Variants in CLYBL observed in about 807,000 individuals in gnomAD.
CLYBL encodes the protein citramalyl-CoA lyase, mitochondrial.
CLYBL carries 31 observed loss-of-function variants against 38.9 expected under a neutral mutation model. The ratio of observed to expected loss-of-function variants is 0.80; its 90% CI spans 0.60 to 1.08. CLYBL has a LOEUF of 1.08. CLYBL is among the 50% of genes least tolerant of loss of function. The pLI, the probability that CLYBL is intolerant of heterozygous loss-of-function variation, is 0.00. For synonymous variants in CLYBL, 171 were observed against 158.6 expected (o/e 1.08, Z -0.59); for missense variants, 434 against 411.6 (o/e 1.05, Z -0.47).
intron 1 of CLYBL, among the ~76,000 whole-genome samples, chr13:99,669,356 G>A (rs181293057): frequency 1.3e-5 from 2 of 152,238 alleles, no homozygotes; most frequent in East Asian, 3.9e-4. Flanking sequence ...GACACGTGAA[G>A]AACATGTAGC....
chr13:99,810,993 T>G (rs1436296983), intron 2 of CLYBL, among the ~76,000 whole-genome samples: 1 of 152,112 alleles, frequency 6.6e-6, no homozygotes, highest in East Asian at 1.9e-4. Flanking sequence ...ATAAAAAATT[T>G]TAGGAGAGCC....
chr13:99,904,916 G>A (rs1017696935), intron 8 of CLYBL, among the ~76,000 whole-genome samples: 42 of 152,302 alleles, frequency 2.8e-4, no homozygotes, highest in African/African-American at 1.0e-3. Flanking sequence ...TCAACTGGGA[G>A]CTCAGCGGGC....
chr13:99,794,898 C>T (rs1057351280), intron 2 of CLYBL, among the ~76,000 whole-genome samples: 2 of 152,042 alleles, frequency 1.3e-5, no homozygotes, highest in African/African-American at 2.4e-5. Flanking sequence ...AGGCTAAATA[C>T]TATGTTTTTA....
chr13:99,885,134 G>A (rs768008422), intron 7 of CLYBL: 1 of 523,322 alleles, frequency 1.9e-6, no homozygotes, highest in Non-Finnish European at 3.9e-6. Flanking sequence ...CTCCCCACAG[G>A]GGCCTCACAG....
At chr13:99,667,554 G>A (rs2047501983) in intron 1 of CLYBL, among the ~76,000 whole-genome samples, 2 of 151,096 alleles carry the variant, frequency 1.3e-5, no homozygotes, top group African/African-American at 4.9e-5. Flanking sequence ...GAGAGGGAAT[G>A]TGTCAACTGG....
downstream of CLYBL, among the ~76,000 whole-genome samples, chr13:99,897,774 C>G (rs1157949098): frequency 1.3e-5 from 2 of 151,986 alleles, no homozygotes; most frequent in Non-Finnish European, 2.9e-5. Flanking sequence ...GGTGAAACCC[C>G]GTCTCTACTA....
At chr13:99,885,882 C>T (rs1260243351) in intron 7 of CLYBL, among the ~76,000 whole-genome samples, 2 of 152,132 alleles carry the variant, frequency 1.3e-5, no homozygotes, top group Non-Finnish European at 2.9e-5. Flanking sequence ...TAAGGAGGAG[C>T]CGTATCCCAG....
rs140279720 is a variant in CLYBL at position 99,773,580 on chromosome 13, C to T, written c.249+570C>T. The stretch of plus-strand genomic sequence containing the variant: ...TGATCTGAGGTGGAACAGTTTCATC[C>T]GAAACCATTGCGCCGCCCCACCTCC... On this transcript the variant is annotated intron_variant, in intron 2 of 8. Transcript: ENST00000339105. Among the ~76,000 whole-genome samples the T allele has an allele frequency of 4.1e-4, 62 of 152,232 alleles. 1 individual carries two copies. Among genetic ancestry groups the T allele is most frequent in the African/African-American group, 1.4e-3 (57 of 41,540 alleles).
intron 1 of CLYBL, among the ~76,000 whole-genome samples, chr13:99,730,599 A>G (rs533548902): frequency 6.5e-4 from 99 of 152,274 alleles, no homozygotes; most frequent in Admixed American, 2.2e-3. Context: ...GCCTCTGAGC[A>G]GAGGACTCCA....
chr13:99,813,688 G>A (rs528514999), intron 2 of CLYBL, among the ~76,000 whole-genome samples: 1 of 152,304 alleles, frequency 6.6e-6, no homozygotes, highest in African/African-American at 2.4e-5. Context: ...GTCACACAGA[G>A]TGGATATGAG....
intron 2 of CLYBL, among the ~76,000 whole-genome samples, chr13:99,784,587 T>C (rs2049743523): frequency 6.6e-6 from 1 of 151,394 alleles, no homozygotes; most frequent in Non-Finnish European, 1.5e-5. Context: ...CCCGAGTAGC[T>C]AGGATTACAG....
intron 2 of CLYBL, among the ~76,000 whole-genome samples, chr13:99,854,781 C>A (rs1333626491): frequency 6.6e-6 from 1 of 152,266 alleles, no homozygotes; most frequent in Non-Finnish European, 1.5e-5. Flanking sequence ...CGCTTTCTTA[C>A]GTCACCAGAG....
intron 1 of CLYBL, among the ~76,000 whole-genome samples, chr13:99,626,808 A>G (rs75269211): frequency 0.013 from 2,047 of 152,148 alleles, 47 homozygotes; most frequent in African/African-American, 0.046. Flanking sequence ...AAGTTCCAGT[A>G]ATCTACCCGA....
intron 2 of CLYBL, among the ~76,000 whole-genome samples, chr13:99,793,859 TCTTTGAGCTC>T (rs1402282408): frequency 2.0e-5 from 3 of 149,616 alleles, no homozygotes; most frequent in Non-Finnish European, 3.0e-5. Flanking sequence ...ATAAAACAGA[TCTTTGAGCTC>T]CAGCTCAAAA....
Position 99,858,981 on chromosome 13 carries a change from T to C in CLYBL, c.370T>C (p.Leu124=), listed in dbSNP as rs563299901. 1.5e-5 allele frequency: 25 copies of C among 1,614,094 alleles called. No individual in the cohort carries two copies. In the Middle Eastern group the frequency reaches 5.0e-4, roughly 32 times the overall value. Reference sequence around the variant, plus strand: ...GGCGGAAGAAGACCTAGAGACCCTTTTGCAATCCCGGGTCCTTCCTTCCAG... The same window carrying C: ...GGCGGAAGAAGACCTAGAGACCCTTCTGCAATCCCGGGTCCTTCCTTCCAG... ...GLAEEDLETL[L]QSRVLPSSLM... The change falls in exon 3 of 9, where the codon TTG becomes CTG. Residue 124 remains leucine, a synonymous_variant. Coordinates refer to ENST00000339105, the MANE Select transcript of CLYBL (RefSeq NM_206808.5).
chr13:99,726,897 G>A (rs1463511422), intron 1 of CLYBL, among the ~76,000 whole-genome samples: 1 of 152,132 alleles, frequency 6.6e-6, no homozygotes, highest in African/African-American at 2.4e-5. Flanking sequence ...AGTGACTCAC[G>A]CCTGTAATCC....
At chr13:99,772,501 A>C (rs866361374) in intron 1 of CLYBL, among the ~76,000 whole-genome samples, 1 of 152,236 alleles carries the variant, frequency 6.6e-6, no homozygotes. Context: ...GTTCAAGACC[A>C]GCCTGGGCAA....
At position 99,777,772 on chromosome 13, in the gene CLYBL, C is replaced by T. The variant is rs142312240; in HGVS notation, c.249+4762C>T. Among the ~76,000 whole-genome samples the T allele has an allele frequency of 6.0e-3, 913 of 152,258 alleles. 1 individual carries two copies. The highest frequency in any genetic ancestry group is 0.034 in the Middle Eastern group (10 of 294). On this transcript the variant is annotated intron_variant, in intron 2 of 8. Coordinates refer to ENST00000339105, the MANE Select transcript of CLYBL (RefSeq NM_206808.5). ...CCTCCCAAAGTGCTGGGATTACAGG[C>T]GTGAGCCTGAGAATTTTCTGTTACA...
At chr13:99,726,304 T>C (rs1230352062) in intron 1 of CLYBL, 1 of 152,244 alleles carries the variant, frequency 6.6e-6, no homozygotes, top group Non-Finnish European at 1.5e-5. Context: ...GTCATAATTA[T>C]CATTGTAATT....
Sources: gnomAD v4.1 joint callset for allele counts (sites outside exome capture counted in the v4.1 genomes callset) on GRCh38, gnomAD v4.1.1 for gene constraint, MANE v1.5 for transcripts, NCBI Gene and HGNC (gene_info 2026-07-23, HGNC 2026-07-21) for gene names.